Variants in ATP6V0A2 observed in about 807,000 individuals in gnomAD.
ATP6V0A2 encodes V-type proton ATPase 116 kDa subunit a 2.
A neutral mutation model predicts 104.4 loss-of-function variants in ATP6V0A2; 58 were observed. The observed-to-expected ratio is 0.56, with a 90% CI of 0.45 to 0.69. The LOEUF is 0.69. ATP6V0A2 is among the 30% of genes least tolerant of loss of function. The pLI is 0.00. For missense variants in ATP6V0A2, 938 were observed against 1,062.9 expected, an observed-to-expected ratio of 0.88 and a Z score of 1.63; for synonymous variants, 376 against 397.9, an observed-to-expected ratio of 0.95 and a Z score of 0.65.
chr12:123,743,815 A>T lies in ATP6V0A2; in HGVS notation c.1069A>T (p.Met357Leu), dbSNP rs146967928. ...RESGATIPSF[M>L]NIIPTKETPP... is the part of the protein sequence containing the mutation. Reference sequence around the variant, plus strand: ...GAGTGGTGCTACAATCCCCTCATTCATGAATATAATCCCCACAAAAGAAAC... The same window carrying T: ...GAGTGGTGCTACAATCCCCTCATTCTTGAATATAATCCCCACAAAAGAAAC... Residue 357 changes from methionine (M) to leucine (L), a missense_variant, in exon 10 of 20, where the codon ATG (methionine) becomes TTG (leucine). Physicochemically the swap from Met to Leu is conservative, Grantham distance 15. Coordinates refer to ENST00000330342, the MANE Select transcript of ATP6V0A2 (RefSeq NM_012463.4). 216 of 1,614,198 alleles carry T rather than the reference A, an allele frequency of 1.3e-4. No individual in the cohort carries two copies. The African/African-American group carries it at 2.3e-3, about 17-fold the overall frequency.
At chr12:123,745,076 C>T in intron 13 of ATP6V0A2, 104 bp downstream of exon 13, 1 of 1,179,238 alleles carries the variant, frequency 8.5e-7, no homozygotes, top group African/African-American at 1.5e-5. Context: ...TCACGCTGCC[C>T]TGAGCGGGAG....
intron 6 of ATP6V0A2, chr12:123,730,987 T>C (rs1245756896): frequency 6.6e-6 from 1 of 152,230 alleles, no homozygotes; most frequent in Non-Finnish European, 1.5e-5. Context: ...ATTATAGGCA[T>C]GAGCCACCAT....
At position 123,712,387 on chromosome 12, in the gene ATP6V0A2, C is replaced by A. The variant is rs1956300541; in HGVS notation, c.-179C>A. 8.3e-6 allele frequency: 3 copies of A among 362,626 alleles called. No individual in the cohort carries two copies. The highest frequency in any genetic ancestry group is 2.1e-5 in the African/African-American group (1 of 46,576). The allele number at this position is 362,626 out of a possible 1,614,324, so 22.5% of individuals were successfully genotyped here. ...CGGACTGCTGTGGCGGCAGCTGGAG[C>A]GGCGGCCGCGGTGGCAGAACCGGGG... On this transcript the variant is annotated 5_prime_UTR_variant, in exon 1 of 20. Transcript: ENST00000330342.
intron 1 of ATP6V0A2, among the ~76,000 whole-genome samples, 189 bp from the exon 2 acceptor site, chr12:123,718,434 C>A (rs1399262283): frequency 6.6e-6 from 1 of 151,908 alleles, no homozygotes; most frequent in African/African-American, 2.4e-5. Flanking sequence ...CGTGTTGGCC[C>A]GGCTGGATTT....
rs535703391 is a variant in ATP6V0A2 at position 123,757,966 on chromosome 12, C to T, written c.2505C>T (p.Thr835=). 2.5e-6 allele frequency: 4 copies of T among 1,610,978 alleles called. No homozygotes were observed. Among genetic ancestry groups the T allele is most frequent in the Non-Finnish European group, 3.4e-6 (4 of 1,179,388 alleles). ...ACAAATTCTACGTTGGTGCAGGCAC[C>T]AAATTTGTTCCTTTCTCATTCAGTC... ...FQNKFYVGAG[T]KFVPFSFSLL... is the part of the protein sequence containing the mutation. Residue 835 remains threonine (T), a synonymous_variant, in exon 20 of 20, where the codon ACC becomes ACT. Transcript: ENST00000330342.
At chr12:123,742,885 A>G (rs1186426462) in intron 9 of ATP6V0A2, among the ~76,000 whole-genome samples, 1 of 152,174 alleles carries the variant, frequency 6.6e-6, no homozygotes, top group Non-Finnish European at 1.5e-5. Flanking sequence ...TATTCTGTCA[A>G]TAACCTGTTT....
rs1336844108 is a variant in ATP6V0A2 at position 123,727,825 on chromosome 12, T to G, written c.564T>G (p.Phe188Leu). 6 of 1,614,056 alleles carry G rather than the reference T, an allele frequency of 3.7e-6. No individual in the cohort carries two copies. Among genetic ancestry groups the G allele is most frequent in the Non-Finnish European group, 5.1e-6 (6 of 1,180,032 alleles). The change falls in exon 6 of 20, where the codon TTT becomes TTG. Residue 188 changes from phenylalanine (F) to leucine (L), a missense_variant. Physicochemically the swap from Phe to Leu is conservative, Grantham distance 22 (BLOSUM62 0). Transcript: ENST00000330342. ...GLINQGKVEA[F>L]EKMLWRVCKG... ...TTAACCAAGGAAAAGTGGAAGCATT[T>G]GAAAAAATGTTGTGGAGAGTCTGCA...
Position 123,758,002 on chromosome 12 carries a change from A to G in ATP6V0A2, c.2541A>G (p.Ser847=). 1.2e-6 allele frequency: 2 copies of G among 1,613,122 alleles called. No individual in the cohort carries two copies. The highest frequency in any genetic ancestry group is 1.7e-6 in the Non-Finnish European group (2 of 1,179,462). Residue 847 remains serine, a synonymous_variant, in exon 20 of 20, where the codon TCA becomes TCG. Coordinates refer to ENST00000330342, the MANE Select transcript of ATP6V0A2 (RefSeq NM_012463.4). ...FVPFSFSLLS[S]KFNNDDSVA The stretch of plus-strand genomic sequence containing the variant: ...CTTTCTCATTCAGTCTACTTTCATC[A>G]AAGTTCAATAACGACGACAGTGTGG...
At chr12:123,755,793 C>T (rs1368586841) in intron 18 of ATP6V0A2, among the ~76,000 whole-genome samples, 3 of 151,498 alleles carry the variant, frequency 2.0e-5, no homozygotes, top group Non-Finnish European at 4.4e-5. Flanking sequence ...ATTAATAACT[C>T]TCTTATTAGC....
intron 15 of ATP6V0A2, among the ~76,000 whole-genome samples, chr12:123,749,205 C>G (rs1956691657): frequency 6.6e-6 from 1 of 152,174 alleles, no homozygotes; most frequent in Non-Finnish European, 1.5e-5. Flanking sequence ...AGGAGGATCG[C>G]TTGAGCCCAG....
At chr12:123,749,371 G>C (rs1230226742) in intron 15 of ATP6V0A2, among the ~76,000 whole-genome samples, 1 of 152,050 alleles carries the variant, frequency 6.6e-6, no homozygotes, top group Non-Finnish European at 1.5e-5. Context: ...CATTTAGAAG[G>C]GACCACCTGG....
chr12:123,714,336 C>T (rs754081809), intron 1 of ATP6V0A2, among the ~76,000 whole-genome samples: 5 of 152,152 alleles, frequency 3.3e-5, no homozygotes, highest in Non-Finnish European at 5.9e-5. Context: ...CTGCGATGAG[C>T]TCTTGTGTGG....
intron 15 of ATP6V0A2, 51 bp from the exon 16 acceptor site, chr12:123,751,059 G>A: frequency 6.2e-7 from 1 of 1,612,878 alleles, no homozygotes; most frequent in Non-Finnish European, 8.5e-7. Context: ...TGCTGACCCT[G>A]CAGGCAGGCC....
chr12:123,737,400 T>G, intron 9 of ATP6V0A2, 129 bp downstream of exon 9: 1 of 917,954 alleles, frequency 1.1e-6, no homozygotes. Context: ...CTTCTTTTGT[T>G]TTTTTAAAAT....
intron 15 of ATP6V0A2, among the ~76,000 whole-genome samples, chr12:123,749,179 C>A (rs1956691496): frequency 6.6e-6 from 1 of 152,184 alleles, no homozygotes; most frequent in South Asian, 2.1e-4. Flanking sequence ...GTCCGAGCTA[C>A]TTGGGAAGCT....
intron 18 of ATP6V0A2, 40 bp downstream of exon 18, chr12:123,754,577 A>G (rs779423012): frequency 7.1e-7 from 1 of 1,408,836 alleles, no homozygotes; most frequent in East Asian, 2.3e-5. Flanking sequence ...AATGCCCTGT[A>G]GTGCCAGCAG....
intron 3 of ATP6V0A2, 61 bp from the exon 4 acceptor site, chr12:123,724,593 T>G (rs1361366387): frequency 6.4e-7 from 1 of 1,569,784 alleles, no homozygotes; most frequent in East Asian, 2.3e-5. Context: ...TGCATGAAGA[T>G]TATTGGAATT....
At chr12:123,732,330 T>A (rs1956509149) in intron 6 of ATP6V0A2, 1 of 154,384 alleles carries the variant, frequency 6.5e-6, no homozygotes, top group South Asian at 2.0e-4. Context: ...GGGCCCCTGC[T>A]CCTGCCTCTG....
In ATP6V0A2 at chr12:123,758,275, G is replaced by T; in HGVS notation, c.*243G>T. Reference sequence around the variant, plus strand: ...GAGCAAATATAAGTTAATGCCAAACGTTATGTTAAAGTTATTTTTTCAAAT... The same window carrying T: ...GAGCAAATATAAGTTAATGCCAAACTTTATGTTAAAGTTATTTTTTCAAAT... On this transcript the variant is annotated 3_prime_UTR_variant, in exon 20 of 20. Transcript: ENST00000330342. 1 of 364,512 alleles carries T rather than the reference G, an allele frequency of 2.7e-6. No individual in the cohort carries two copies. The highest frequency in any genetic ancestry group is 4.9e-6 in the Non-Finnish European group (1 of 203,156). The allele number at this position is 364,512 out of a possible 1,614,324, so 22.6% of individuals were successfully genotyped here. A position where few individuals can be genotyped will look rare whatever the true frequency, so the allele number is the denominator to read the frequency against.
Sources: allele counts gnomAD v4.1 joint callset (sites outside exome capture counted in the v4.1 genomes callset), GRCh38; gene constraint gnomAD v4.1.1; transcripts MANE v1.5; gene names NCBI Gene and HGNC (gene_info 2026-07-23, HGNC 2026-07-21).